The following GALNT14 variants were observed in gnomAD, a reference collection of about 807,000 sequenced individuals.
The protein encoded by GALNT14 is polypeptide N-acetylgalactosaminyltransferase 14, also known as UDP-GalNAc:polypeptide N-acetylgalactosaminyltransferase 14.
GALNT14 carries 60 observed loss-of-function variants against 77.5 expected under a neutral mutation model. The observed-to-expected ratio is 0.77, with a 90% CI of 0.63 to 0.96. The LOEUF is 0.96. Ranked by LOEUF, GALNT14 falls within the 40% of genes least tolerant of loss-of-function variation. The probability of loss-of-function intolerance (pLI) is 0.00; values close to 1 mark genes in which losing one functional copy is unlikely to be tolerated. For synonymous variants in GALNT14, 280 were observed against 281.7 expected, an observed-to-expected ratio of 0.99 and a Z score of 0.06; for missense variants, 710 against 731.0, an observed-to-expected ratio of 0.97 and a Z score of 0.33.
At chr2:30,950,560 C>T (rs1358604821) in intron 6 of GALNT14, among the ~76,000 whole-genome samples, 1 of 152,206 alleles carries the variant, frequency 6.6e-6, no homozygotes, top group Non-Finnish European at 1.5e-5. Flanking sequence ...CACGCCCTCA[C>T]CCCCTGTCCC....
intron 1 of GALNT14, among the ~76,000 whole-genome samples, chr2:31,086,913 A>T (rs1341787317): frequency 1.3e-5 from 2 of 152,230 alleles, no homozygotes; most frequent in Non-Finnish European, 2.9e-5. Context: ...GGATGGATAC[A>T]TTCTAATTAG....
chr2:30,964,224 C>T (rs1482923543), intron 3 of GALNT14, among the ~76,000 whole-genome samples: 9 of 152,286 alleles, frequency 5.9e-5, no homozygotes, highest in East Asian at 1.9e-4. Context: ...CAGTCATGAC[C>T]GGTGGAGCAG....
chr2:30,958,017 G>A (rs1667470497), intron 4 of GALNT14, among the ~76,000 whole-genome samples: 1 of 152,112 alleles, frequency 6.6e-6, no homozygotes, highest in Non-Finnish European at 1.5e-5. Flanking sequence ...GATAACTGGA[G>A]GACACAAGGT....
the GALNT14 span, among the ~76,000 whole-genome samples, chr2:30,888,688 G>A: frequency 6.6e-6 from 1 of 151,940 alleles, no homozygotes; most frequent in South Asian, 2.1e-4. Context: ...GAATAAGCCT[G>A]TTCCTACCAA....
downstream of GALNT14, among the ~76,000 whole-genome samples, chr2:30,907,610 C>T (rs1664178271): frequency 6.6e-6 from 1 of 152,070 alleles, no homozygotes. Flanking sequence ...GATGGATTCA[C>T]ACCTGAATTC....
At chr2:30,912,797 C>G (rs534859892) in intron 13 of GALNT14, among the ~76,000 whole-genome samples, 155 of 152,170 alleles carry the variant, frequency 1.0e-3, no homozygotes, top group African/African-American at 3.6e-3. Flanking sequence ...GAAAGGCAGT[C>G]CAAGTCAGTG....
chr2:30,989,719 A>G (rs1362966075), intron 2 of GALNT14, among the ~76,000 whole-genome samples: 3 of 67,354 alleles, frequency 4.5e-5, no homozygotes, highest in East Asian at 5.0e-4. Context: ...ATATATTAGT[A>G]TATATATATA....
At chr2:30,975,155 T>C (rs2148362255) in intron 2 of GALNT14, among the ~76,000 whole-genome samples, 1 of 152,324 alleles carries the variant, frequency 6.6e-6, no homozygotes, top group Admixed American at 6.5e-5. Context: ...TCCTGGGGAA[T>C]ATCAGGTGGC....
At chr2:30,897,734 G>T in the GALNT14 span, among the ~76,000 whole-genome samples, 1 of 152,224 alleles carries the variant, frequency 6.6e-6, no homozygotes, top group Non-Finnish European at 1.5e-5. Context: ...GCAGAGGCGG[G>T]AAAGGAACAC....
chr2:31,041,865 C>A (rs896133239), intron 1 of GALNT14, among the ~76,000 whole-genome samples: 6 of 152,060 alleles, frequency 3.9e-5, no homozygotes, highest in Admixed American at 2.0e-4. Flanking sequence ...TGAGAACATT[C>A]ACAGATGTGA....
chr2:30,902,196 C>T, the GALNT14 span, among the ~76,000 whole-genome samples: 1 of 152,120 alleles, frequency 6.6e-6, no homozygotes, highest in East Asian at 1.9e-4. Flanking sequence ...TGATTGTCAG[C>T]TTTGCCTCGA....
chr2:30,932,226 CT>C, intron 9 of GALNT14, 32 bp from the exon 10 acceptor site: 1 of 1,407,272 alleles, frequency 7.1e-7, no homozygotes, highest in Non-Finnish European at 9.3e-7. Flanking sequence ...CCTATGACCT[CT>C]TATCACTGCT....
intron 1 of GALNT14, among the ~76,000 whole-genome samples, chr2:31,109,960 T>C (rs1255645364): frequency 6.6e-6 from 1 of 152,206 alleles, no homozygotes; most frequent in Non-Finnish European, 1.5e-5. Context: ...GAAGGTGATT[T>C]CAGAGCTCAT....
chr2:31,056,610 G>C (rs1674224323), intron 1 of GALNT14, among the ~76,000 whole-genome samples: 1 of 152,232 alleles, frequency 6.6e-6, no homozygotes, highest in Middle Eastern at 3.4e-3. Context: ...CTGCCATGGG[G>C]AGGCCTTTAC....
intron 1 of GALNT14, among the ~76,000 whole-genome samples, chr2:31,128,975 A>AC (rs1678838155): frequency 7.7e-6 from 1 of 129,340 alleles, no homozygotes; most frequent in Non-Finnish European, 1.6e-5. Context: ...TTGAAAAAAA[A>AC]AAAAAACACA....
intron 4 of GALNT14, among the ~76,000 whole-genome samples, chr2:30,957,123 G>A (rs1667416286): frequency 6.6e-6 from 1 of 152,162 alleles, no homozygotes; most frequent in African/African-American, 2.4e-5. Flanking sequence ...TGCTTTATTA[G>A]TTTATTGACC....
intron 6 of GALNT14, among the ~76,000 whole-genome samples, 177 bp from the exon 7 acceptor site, chr2:30,946,047 C>T (rs1413442317): frequency 6.6e-6 from 1 of 152,130 alleles, no homozygotes; most frequent in African/African-American, 2.4e-5. Context: ...GCAATGGGAC[C>T]TCTCCAGTTC....
chr2:31,058,999 A>G (rs1326678691), intron 1 of GALNT14, among the ~76,000 whole-genome samples: 1 of 152,324 alleles, frequency 6.6e-6, no homozygotes, highest in East Asian at 1.9e-4. Flanking sequence ...GAGAAACAGA[A>G]AAGGCATTGA....
chr2:30,901,621 A>C, the GALNT14 span, among the ~76,000 whole-genome samples: 1 of 151,032 alleles, frequency 6.6e-6, no homozygotes, highest in Non-Finnish European at 1.5e-5. Flanking sequence ...TATAAATTCC[A>C]TTTCCTTTAA....
Sources: allele counts gnomAD v4.1 joint callset (sites outside exome capture counted in the v4.1 genomes callset), GRCh38; gene constraint gnomAD v4.1.1; transcripts MANE v1.5; gene names NCBI Gene and HGNC (gene_info 2026-07-23, HGNC 2026-07-21).